The following ASAP2 variants were observed in gnomAD, a reference collection of about 807,000 sequenced individuals.
The protein encoded by ASAP2 is ArfGAP with SH3 domain, ankyrin repeat and PH domain 2, also known as arf-GAP with SH3 domain, ANK repeat and PH domain-containing protein 2.
A neutral mutation model predicts 131.4 loss-of-function variants in ASAP2; 45 were observed. That is an observed-to-expected ratio of 0.34 (90% CI 0.27 to 0.44). ASAP2 has a LOEUF of 0.44. ASAP2 is among the 20% of genes least tolerant of loss of function. The probability of loss-of-function intolerance (pLI) is 1.00; values close to 1 mark genes in which losing one functional copy is unlikely to be tolerated. For missense variants in ASAP2, 1,011 were observed against 1,297.0 expected (o/e 0.78, Z 3.39); for synonymous variants, 510 against 503.0 (o/e 1.01, Z -0.19).
intron 1 of ASAP2, among the ~76,000 whole-genome samples, chr2:9,208,339 GT>G (rs1199697972): frequency 4.6e-5 from 6 of 131,120 alleles, no homozygotes; most frequent in Admixed American, 8.7e-5. Flanking sequence ...TAGCAGGAGT[GT>G]GTGTGTGGGT....
intron 1 of ASAP2, among the ~76,000 whole-genome samples, chr2:9,209,203 A>C (rs900899638): frequency 3.9e-5 from 6 of 152,186 alleles, no homozygotes; most frequent in Non-Finnish European, 8.8e-5. Flanking sequence ...AATTAAAATC[A>C]TTTCAGGTTT....
chr2:9,289,950 G>A (rs1171261889), intron 2 of ASAP2, among the ~76,000 whole-genome samples: 4 of 150,956 alleles, frequency 2.6e-5, no homozygotes, highest in South Asian at 2.1e-4. Context: ...GAACAAGCCC[G>A]GGGTGTTGGA....
At chr2:9,219,290 G>A (rs537406290) in intron 1 of ASAP2, among the ~76,000 whole-genome samples, 2 of 152,308 alleles carry the variant, frequency 1.3e-5, no homozygotes, top group South Asian at 4.1e-4. Context: ...TTTCACATTT[G>A]CCCTGTGATT....
intron 1 of ASAP2, among the ~76,000 whole-genome samples, chr2:9,258,336 T>G (rs1215409879): frequency 4.4e-4 from 35 of 80,076 alleles, no homozygotes; most frequent in Non-Finnish European, 5.6e-5. Context: ...TCAGTAGTTG[T>G]TTTTTTTTTT....
chr2:9,249,555 C>A (rs991948829), intron 1 of ASAP2, among the ~76,000 whole-genome samples: 1 of 152,208 alleles, frequency 6.6e-6, no homozygotes, highest in Admixed American at 6.5e-5. Context: ...TTGCTGATGT[C>A]CTGTGAATAA....
chr2:9,250,429 A>G (rs1664625733), intron 1 of ASAP2, among the ~76,000 whole-genome samples: 1 of 152,110 alleles, frequency 6.6e-6, no homozygotes, highest in African/African-American at 2.4e-5. Flanking sequence ...TAAAGATGGG[A>G]GTGGGGATGC....
intron 20 of ASAP2, among the ~76,000 whole-genome samples, chr2:9,384,665 TAGAG>T (rs1171103005): frequency 1.3e-5 from 2 of 152,176 alleles, no homozygotes; most frequent in Non-Finnish European, 2.9e-5. Flanking sequence ...AGCATACAGA[TAGAG>T]AGGTGCGTAG....
intron 21 of ASAP2, among the ~76,000 whole-genome samples, chr2:9,387,040 TA>T (rs556365703): frequency 7.6e-4 from 100 of 132,408 alleles, no homozygotes; most frequent in South Asian, 3.1e-3. Context: ...CCGTCTCTAC[TA>T]AAAAATACAA....
chr2:9,362,286 A>G (rs1403579746), intron 15 of ASAP2, among the ~76,000 whole-genome samples: 1 of 152,074 alleles, frequency 6.6e-6, no homozygotes, highest in Non-Finnish European at 1.5e-5. Context: ...GTGAAAGGAG[A>G]GTGGTGGGTG....
chr2:9,210,943 G>T (rs1345467051), intron 1 of ASAP2, among the ~76,000 whole-genome samples: 1 of 151,922 alleles, frequency 6.6e-6, no homozygotes, highest in East Asian at 1.9e-4. Context: ...ATCACTTGGG[G>T]TCAGGAGTTC....
intron 1 of ASAP2, among the ~76,000 whole-genome samples, chr2:9,277,205 C>T (rs10439230): frequency 0.11 from 16,544 of 152,234 alleles, 948 homozygotes; most frequent in African/African-American, 0.15. Flanking sequence ...GCTGTGCTGT[C>T]TGACATGTGG....
intron 16 of ASAP2, among the ~76,000 whole-genome samples, chr2:9,373,667 G>A (rs941170844): frequency 6.6e-5 from 10 of 152,346 alleles, no homozygotes; most frequent in South Asian, 4.1e-4. Context: ...GTGAGAGAGC[G>A]GAGGTCAGGA....
intron 1 of ASAP2, among the ~76,000 whole-genome samples, chr2:9,223,540 G>GA (rs1222894712): frequency 6.6e-6 from 1 of 152,182 alleles, no homozygotes; most frequent in Non-Finnish European, 1.5e-5. Context: ...GTGTATTTCA[G>GA]AAATTTGTTA....
chr2:9,240,963 AG>A (rs1156479474), intron 1 of ASAP2, among the ~76,000 whole-genome samples: 1 of 152,214 alleles, frequency 6.6e-6, no homozygotes, highest in Admixed American at 6.5e-5. Context: ...TGCCAGACAA[AG>A]GGAGGAGTCA....
chr2:9,362,042 G>C (rs143052280), intron 15 of ASAP2, among the ~76,000 whole-genome samples: 1 of 149,030 alleles, frequency 6.7e-6, no homozygotes, highest in Non-Finnish European at 1.5e-5. Context: ...ACACCGTTAA[G>C]AACCATAAAG....
intron 1 of ASAP2, among the ~76,000 whole-genome samples, chr2:9,220,793 AC>A (rs1368106265): frequency 6.6e-6 from 1 of 152,168 alleles, no homozygotes; most frequent in East Asian, 1.9e-4. Context: ...TTCAGTTCTT[AC>A]ATTTAGGTCT....
In ASAP2 at chr2:9,403,434, T is replaced by C; in HGVS notation, c.*107T>C. ...TGAACTGTTTGTATGGCAGCCCATG[T>C]TCTCTAATGCCACTGCTCTGTTTTA... On this transcript the variant is annotated 3_prime_UTR_variant, in exon 28 of 28. Transcript: ENST00000281419. 1.0e-6 allele frequency: 1 copy of C among 992,392 alleles called. No individual in the cohort carries two copies. The allele number at this position is 992,392 out of a possible 1,614,324, so 61.5% of individuals were successfully genotyped here.
In ASAP2 at chr2:9,207,815, G is replaced by A. The variant is rs1379959749; in HGVS notation, c.126+585G>A. On this transcript the variant is annotated intron_variant, in intron 1 of 27. Transcript: ENST00000281419. The surrounding 1 kb of genome is among the most constrained non-coding windows in gnomAD (Gnocchi z 4.1). ...GCGGGCAAGGTGTGTGAGAGTCGGC[G>A]CTTCTGGGTCCAAGAAGCCTCCAGG... Among the ~76,000 whole-genome samples the A allele has an allele frequency of 6.6e-6, 1 of 152,136 alleles. No homozygotes were observed. Among genetic ancestry groups the A allele is most frequent in the African/African-American group, 2.4e-5 (1 of 41,440 alleles).
rs997273597 is a variant in ASAP2 at position 9,217,776 on chromosome 2, G to C, written c.126+10546G>C. On this transcript the variant is annotated intron_variant, in intron 1 of 27. Coordinates refer to ENST00000281419, the MANE Select transcript of ASAP2 (RefSeq NM_003887.3). This position sits in a 1 kb window ranked among gnomAD's most constrained non-coding sequence, Gnocchi z 4.0. Reference sequence around the variant, plus strand: ...ACTACAGGCGCCTGCCACCACGCCCGGCTAATTTTTGGTATTTTTAGTAGA... The same window carrying C: ...ACTACAGGCGCCTGCCACCACGCCCCGCTAATTTTTGGTATTTTTAGTAGA... 6.6e-6 allele frequency among the ~76,000 whole-genome samples: 1 copy of C among 151,742 alleles called. No homozygotes were observed. Among genetic ancestry groups the C allele is most frequent in the Non-Finnish European group, 1.5e-5 (1 of 67,940 alleles).
Sources: gnomAD v4.1 joint callset for allele counts (sites outside exome capture counted in the v4.1 genomes callset) on GRCh38, gnomAD v4.1.1 for gene constraint, Gnocchi (gnomAD v3.1) non-coding constraint, MANE v1.5 for transcripts, NCBI Gene and HGNC (gene_info 2026-07-23, HGNC 2026-07-21) for gene names.